CDH12: variants seen among roughly 807,000 people sequenced by gnomAD.
The protein encoded by CDH12 is cadherin 12, also known as cadherin-12.
A neutral mutation model predicts 74.1 loss-of-function variants in CDH12; 41 were observed. That is an observed-to-expected ratio of 0.55 (90% CI 0.43 to 0.72). The LOEUF (loss-of-function observed/expected upper bound fraction) is 0.72, where lower values mean the gene tolerates loss of function less well. Among genes scored for constraint, CDH12 ranks in the 30% least tolerant of loss-of-function variants. The pLI, the probability that CDH12 is intolerant of heterozygous loss-of-function variation, is 0.00. For synonymous variants in CDH12, 399 were observed against 355.0 expected, an observed-to-expected ratio of 1.12 and a Z score of -1.39; for missense variants, 945 against 977.2, an observed-to-expected ratio of 0.97 and a Z score of 0.44.
chr5:21,843,650 G>T (rs890604419), intron 7 of CDH12, among the ~76,000 whole-genome samples: 12 of 152,048 alleles, frequency 7.9e-5, no homozygotes, highest in Admixed American at 6.6e-4. Flanking sequence ...GAGTAGCTGG[G>T]ATTACAGGCA....
At chr5:22,637,386 A>G (rs1231526630) in intron 1 of CDH12, among the ~76,000 whole-genome samples, 1 of 152,222 alleles carries the variant, frequency 6.6e-6, no homozygotes, top group African/African-American at 2.4e-5. Context: ...CCCTTTCAGC[A>G]GCTACAAGGT....
At chr5:22,018,517 T>C (rs1737753193) in intron 5 of CDH12, among the ~76,000 whole-genome samples, 1 of 152,172 alleles carries the variant, frequency 6.6e-6, no homozygotes, top group Non-Finnish European at 1.5e-5. Context: ...TTTGAGTGGA[T>C]GAATGAATGG....
At chr5:22,692,998 C>G (rs538258332) in intron 1 of CDH12, among the ~76,000 whole-genome samples, 1 of 151,128 alleles carries the variant, frequency 6.6e-6, no homozygotes, top group East Asian at 2.0e-4. Context: ...TTACTCCATG[C>G]TTTGTTTTCT....
chr5:22,481,017 A>G (rs1746364674), intron 2 of CDH12, among the ~76,000 whole-genome samples: 1 of 152,148 alleles, frequency 6.6e-6, no homozygotes, highest in African/African-American at 2.4e-5. Flanking sequence ...TGGGTTATTG[A>G]CTAGTATTAA....
intron 2 of CDH12, among the ~76,000 whole-genome samples, chr5:22,466,915 A>C (rs1745755172): frequency 6.7e-6 from 1 of 148,824 alleles, no homozygotes. Flanking sequence ...CAGTCTCCCG[A>C]GTAGCTGGGA....
At chr5:22,067,368 T>C (rs555014075) in intron 5 of CDH12, among the ~76,000 whole-genome samples, 15 of 152,320 alleles carry the variant, frequency 9.8e-5, no homozygotes, top group Admixed American at 8.5e-4. Context: ...AGTTGTTGCA[T>C]GTGGTCCCTC....
At chr5:21,976,912 T>A (rs1757094527) in intron 5 of CDH12, among the ~76,000 whole-genome samples, 1 of 152,090 alleles carries the variant, frequency 6.6e-6, no homozygotes, top group Non-Finnish European at 1.5e-5. Context: ...GTATGAGTAA[T>A]TAAAAGCACA....
At chr5:22,795,371 T>C (rs1193249233) in intron 1 of CDH12, among the ~76,000 whole-genome samples, 1 of 152,074 alleles carries the variant, frequency 6.6e-6, no homozygotes, top group African/African-American at 2.4e-5. Flanking sequence ...TGAAAGAACC[T>C]TCTTCAGCTT....
chr5:22,685,268 C>T (rs921347583), intron 1 of CDH12, among the ~76,000 whole-genome samples: 5 of 151,968 alleles, frequency 3.3e-5, no homozygotes, highest in African/African-American at 4.8e-5. Context: ...GATGGAGTCT[C>T]GCCCTGTCGC....
chr5:21,893,859 AT>A (rs1005930414), intron 6 of CDH12, among the ~76,000 whole-genome samples: 1 of 152,018 alleles, frequency 6.6e-6, no homozygotes, highest in Non-Finnish European at 1.5e-5. Flanking sequence ...TGCCAGTGAG[AT>A]TTTTTTTCTG....
chr5:22,211,038 T>C (rs1751503993), intron 4 of CDH12, among the ~76,000 whole-genome samples: 1 of 152,192 alleles, frequency 6.6e-6, no homozygotes, highest in Non-Finnish European at 1.5e-5. Context: ...TTTGGGAACC[T>C]TGAAAATAGT....
intron 4 of CDH12, among the ~76,000 whole-genome samples, chr5:22,151,580 A>G (rs1747588214): frequency 6.6e-6 from 1 of 152,162 alleles, no homozygotes; most frequent in African/African-American, 2.4e-5. Flanking sequence ...TTCCCTGAGC[A>G]GTGAAACAAG....
intron 6 of CDH12, among the ~76,000 whole-genome samples, chr5:21,940,108 T>A (rs1668764542): frequency 6.6e-6 from 1 of 152,006 alleles, no homozygotes; most frequent in African/African-American, 2.4e-5. Context: ...ACGTCTGTAA[T>A]CCCAGCTACT....
intron 4 of CDH12, among the ~76,000 whole-genome samples, chr5:22,184,265 T>C (rs1019591802): frequency 6.6e-6 from 1 of 152,174 alleles, no homozygotes; most frequent in African/African-American, 2.4e-5. Flanking sequence ...GATAGAGTCC[T>C]AGATTGGAAG....
intron 1 of CDH12, among the ~76,000 whole-genome samples, chr5:22,682,702 A>G (rs960761497): frequency 2.2e-5 from 3 of 135,446 alleles, no homozygotes; most frequent in African/African-American, 2.6e-5. Context: ...TAACTGGAAT[A>G]TTAATTTTGA....
intron 2 of CDH12, among the ~76,000 whole-genome samples, chr5:22,418,789 CAGG>C (rs907929542): frequency 6.6e-6 from 1 of 152,008 alleles, no homozygotes; most frequent in Non-Finnish European, 1.5e-5. Flanking sequence ...GAGGCTGAGG[CAGG>C]AGAATTGCTT....
intron 7 of CDH12, among the ~76,000 whole-genome samples, chr5:21,853,287 CTCCAAAACTCTA>C (rs1044850955): frequency 6.6e-6 from 1 of 151,494 alleles, no homozygotes; most frequent in Non-Finnish European, 1.5e-5. Flanking sequence ...GGCTTTTATT[CTCCAAAACTCTA>C]TCGAAATCAG....
At chr5:22,254,504 T>A (rs1414109431) in intron 3 of CDH12, among the ~76,000 whole-genome samples, 1 of 151,764 alleles carries the variant, frequency 6.6e-6, no homozygotes, top group Non-Finnish European at 1.5e-5. Context: ...TTGTACCTTA[T>A]TTCAAAGTGT....
chr5:22,642,659 T>G (rs1219624573), intron 1 of CDH12, among the ~76,000 whole-genome samples: 2 of 152,126 alleles, frequency 1.3e-5, no homozygotes, highest in African/African-American at 4.8e-5. Context: ...AATTTGACCA[T>G]TTTGTTATAT....
Sources: allele counts gnomAD v4.1 joint callset (sites outside exome capture counted in the v4.1 genomes callset), GRCh38; gene constraint gnomAD v4.1.1; transcripts MANE v1.5; gene names NCBI Gene and HGNC (gene_info 2026-07-23, HGNC 2026-07-21).